NME7: variants seen among roughly 807,000 people sequenced by gnomAD.
NME7 encodes nucleoside diphosphate kinase 7.
A neutral mutation model predicts 49.1 loss-of-function variants in NME7; 41 were observed. The ratio of observed to expected loss-of-function variants is 0.83; its 90% confidence interval spans 0.65 to 1.08. The LOEUF (loss-of-function observed/expected upper bound fraction) is 1.08. Among genes scored for constraint, NME7 ranks in the 50% least tolerant of loss-of-function variants. The pLI is 0.00. For synonymous variants in NME7, 139 were observed against 150.6 expected (o/e 0.92, Z 0.56); for missense variants, 423 against 463.4 (o/e 0.91, Z 0.80).
rs543561747 is a variant in NME7, at chr1:169,170,816, A to G, written c.991-1262T>C. ...GTGGTGCGTGCCTGTAATACCAGAT[A>G]TTTAGGAGGCTCAGGCAGGAGAATC... On this transcript the variant is annotated intron_variant, in intron 10 of 11. Transcript: ENST00000367811. 9.2e-4 allele frequency among the ~76,000 whole-genome samples: 140 copies of G among 152,166 alleles called. 1 individual carries two copies. Among genetic ancestry groups the G allele is most frequent in the African/African-American group, 3.3e-3 (136 of 41,524 alleles).
At chr1:169,353,593 A>G (rs550797648) in intron 1 of NME7, among the ~76,000 whole-genome samples, 2 of 152,224 alleles carry the variant, frequency 1.3e-5, no homozygotes, top group East Asian at 3.9e-4. Flanking sequence ...ACAGGAAACA[A>G]TCAACAAAGT....
chr1:169,284,780 C>T (rs1017374944), intron 7 of NME7: 2 of 152,030 alleles, frequency 1.3e-5, no homozygotes, highest in African/African-American at 4.8e-5. Flanking sequence ...AGGAAGGGGT[C>T]CCGTGTCAAT....
intron 6 of NME7, among the ~76,000 whole-genome samples, chr1:169,290,650 C>T (rs1362737429): frequency 1.3e-5 from 2 of 152,022 alleles, no homozygotes; most frequent in Non-Finnish European, 2.9e-5. Context: ...CAACAAAAGC[C>T]AAAATTGACA....
At chr1:169,350,250 G>GAAGGAAGGAAGGAAGGAAGGAAGA (rs1653111816) in intron 1 of NME7, among the ~76,000 whole-genome samples, 1 of 147,100 alleles carries the variant, frequency 6.8e-6, no homozygotes, top group South Asian at 2.2e-4. Flanking sequence ...AAGAAAGAAG[G>GAAGGAAGGAAGGAAGGAAGGAAGA]AAGGAAGGAA....
At position 169,218,683 on chromosome 1, in the gene NME7, T is replaced by TTC. The variant is rs1553246983; in HGVS notation, c.990+12034_990+12035insGA. Among the ~76,000 whole-genome samples the TTC allele has an allele frequency of 7.2e-3, 1,002 of 138,998 alleles. 2 individuals are homozygous for TTC. Among genetic ancestry groups the TTC allele is most frequent in the Non-Finnish European group, 0.012 (769 of 61,840 alleles). 91.2% of individuals were successfully genotyped at this position (138,998 alleles called of 152,430 possible). On this transcript the variant is annotated intron_variant, in intron 10 of 11. Coordinates refer to ENST00000367811, the MANE Select transcript of NME7 (RefSeq NM_013330.5). ...AATTTTTTTTTTTTTTTTTTTTTTT[T>TTC]AGTAATATAGCCCAATGCCAATCAA...
intron 11 of NME7, among the ~76,000 whole-genome samples, chr1:169,154,642 A>G (rs1659012923): frequency 6.6e-6 from 1 of 151,978 alleles, no homozygotes; most frequent in Non-Finnish European, 1.5e-5. Context: ...TACTAAAAAC[A>G]TGAAAATTAG....
intron 4 of NME7, among the ~76,000 whole-genome samples, chr1:169,306,169 T>C (rs994353739): frequency 2.6e-5 from 4 of 152,194 alleles, no homozygotes; most frequent in Non-Finnish European, 4.4e-5. Context: ...TTAGAGCTAT[T>C]ACAGTAGGTG....
intron 1 of NME7, among the ~76,000 whole-genome samples, chr1:169,363,946 G>A (rs551068044): frequency 1.3e-5 from 2 of 152,282 alleles, no homozygotes; most frequent in South Asian, 4.2e-4. Flanking sequence ...ACCAAAAACA[G>A]TATTGAGCAA....
At chr1:169,151,423 C>T (rs1330571132) in intron 11 of NME7, among the ~76,000 whole-genome samples, 2 of 152,182 alleles carry the variant, frequency 1.3e-5, no homozygotes, top group Non-Finnish European at 2.9e-5. Flanking sequence ...CCGCTCCTGA[C>T]TCCCCAGCTG....
At chr1:169,212,006 G>A in intron 10 of NME7, among the ~76,000 whole-genome samples, 1 of 152,160 alleles carries the variant, frequency 6.6e-6, no homozygotes, top group East Asian at 1.9e-4. Context: ...TATTCACAGA[G>A]AGAGTAATTA....
intron 10 of NME7, among the ~76,000 whole-genome samples, chr1:169,186,705 C>G (rs976421617): frequency 6.6e-6 from 1 of 152,088 alleles, no homozygotes; most frequent in African/African-American, 2.4e-5. Flanking sequence ...TTCCAAAAAC[C>G]AGCTCCTGGA....
intron 10 of NME7, among the ~76,000 whole-genome samples, chr1:169,171,806 GT>G (rs35524440): frequency 0.36 from 52,000 of 145,174 alleles, 9,711 homozygotes; most frequent in East Asian, 0.72. Flanking sequence ...ATTCCTGGCT[GT>G]TTTTTTTTTT....
intron 3 of NME7, among the ~76,000 whole-genome samples, chr1:169,317,028 T>C (rs932297498): frequency 6.7e-6 from 1 of 149,378 alleles, no homozygotes; most frequent in African/African-American, 2.5e-5. Flanking sequence ...AACAGTAAAA[T>C]AGAAACATAT....
At chr1:169,150,792 C>G (rs998824137) in intron 11 of NME7, among the ~76,000 whole-genome samples, 1 of 147,836 alleles carries the variant, frequency 6.8e-6, no homozygotes, top group Admixed American at 6.7e-5. Flanking sequence ...GGAGCAAGTT[C>G]AGATAGGTAC....
At position 169,355,215 on chromosome 1, in the gene NME7, T is replaced by C. The variant is rs1348004886; in HGVS notation, c.3+12493A>G. ...TAGATATAATATATAATATATATTA[T>C]ATATTATAGATATAATATATAATAT... On this transcript the variant is annotated intron_variant, in intron 1 of 11. Coordinates refer to ENST00000367811, the MANE Select transcript of NME7 (RefSeq NM_013330.5). Among the ~76,000 whole-genome samples the C allele has an allele frequency of 5.4e-5, 3 of 55,528 alleles. 1 individual carries two copies. The highest frequency in any genetic ancestry group is 1.9e-4 in the African/African-American group (3 of 15,752). 36.4% of individuals were successfully genotyped at this position (55,528 alleles called of 152,430 possible).
At chr1:169,363,457 G>A (rs566463493) in intron 1 of NME7, among the ~76,000 whole-genome samples, 2 of 152,124 alleles carry the variant, frequency 1.3e-5, no homozygotes, top group African/African-American at 4.8e-5. Context: ...GCTATTTTAT[G>A]TCATCTTTTT....
At chr1:169,272,060 C>T (rs145421641) in intron 7 of NME7, among the ~76,000 whole-genome samples, 2 of 131,762 alleles carry the variant, frequency 1.5e-5, no homozygotes, top group East Asian at 4.0e-4. Flanking sequence ...GTTTATTCTG[C>T]CATCTGAGTA....
At chr1:169,197,110 A>AATAAT (rs1237965511) in intron 10 of NME7, among the ~76,000 whole-genome samples, 2 of 152,144 alleles carry the variant, frequency 1.3e-5, no homozygotes, top group African/African-American at 4.8e-5. Context: ...ATGGAGTTAC[A>AATAAT]ATAATATAAG....
At chr1:169,166,739 A>T (rs961504335) in intron 11 of NME7, among the ~76,000 whole-genome samples, 1 of 152,156 alleles carries the variant, frequency 6.6e-6, no homozygotes, top group South Asian at 2.1e-4. Context: ...GAACTTTTCG[A>T]GGCTGAGGTG....
Sources: allele counts gnomAD v4.1 joint callset (sites outside exome capture counted in the v4.1 genomes callset), GRCh38; gene constraint gnomAD v4.1.1; transcripts MANE v1.5; gene names NCBI Gene and HGNC (gene_info 2026-07-23, HGNC 2026-07-21).